The following LMO7 variants were observed in gnomAD, a reference collection of about 807,000 sequenced individuals.
The protein encoded by LMO7 is LIM domain 7, also known as LIM domain only protein 7.
A neutral mutation model predicts 206.5 loss-of-function variants in LMO7; 120 were observed. That is an observed-to-expected ratio of 0.58 (90% CI 0.50 to 0.68). The LOEUF is 0.68. Among genes scored for constraint, LMO7 ranks in the 30% least tolerant of loss-of-function variants. The pLI, the probability that LMO7 is intolerant of heterozygous loss-of-function variation, is 0.00. For missense variants in LMO7, 1,959 were observed against 1,957.9 expected, an observed-to-expected ratio of 1.00 and a Z score of -0.01; for synonymous variants, 706 against 681.5, an observed-to-expected ratio of 1.04 and a Z score of -0.56.
At chr13:75,760,797 A>G (rs1345730744) in intron 3 of LMO7, 135 bp from the exon 4 acceptor site, 2 of 1,544,868 alleles carry the variant, frequency 1.3e-6, no homozygotes, top group African/African-American at 2.7e-5. Flanking sequence ...AAATATACAT[A>G]TGCATGGGTC....
chr13:75,705,667 A>G (rs2042599545), intron 1 of LMO7, among the ~76,000 whole-genome samples: 1 of 152,222 alleles, frequency 6.6e-6, no homozygotes, highest in South Asian at 2.1e-4. Context: ...AAGGTTCAAA[A>G]TTATAGAAAA....
chr13:75,727,603 G>T (rs1954706219), intron 3 of LMO7, among the ~76,000 whole-genome samples: 1 of 151,806 alleles, frequency 6.6e-6, no homozygotes, highest in Admixed American at 6.6e-5. Flanking sequence ...CACATGTATT[G>T]CCTATACTTT....
At chr13:75,751,288 A>G (rs2047257378) in intron 3 of LMO7, among the ~76,000 whole-genome samples, 2 of 149,728 alleles carry the variant, frequency 1.3e-5, no homozygotes, top group South Asian at 4.2e-4. Context: ...AGCCTCCCGA[A>G]TAGCTGGGAC....
At chr13:75,731,060 A>G (rs1347532351) in intron 3 of LMO7, among the ~76,000 whole-genome samples, 35 of 151,736 alleles carry the variant, frequency 2.3e-4, no homozygotes, top group African/African-American at 6.3e-4. Context: ...TATGTGGTCA[A>G]TTTTGGAATA....
intron 14 of LMO7, among the ~76,000 whole-genome samples, chr13:75,822,456 G>A (rs1027160405): frequency 6.6e-6 from 1 of 151,958 alleles, no homozygotes; most frequent in African/African-American, 2.4e-5. Flanking sequence ...TTATCAAAAT[G>A]CATTTTAGGG....
At chr13:75,633,695 G>A (rs1319352105), upstream of LMO7, among the ~76,000 whole-genome samples, 1 of 152,138 alleles carries the variant, frequency 6.6e-6, no homozygotes, top group Non-Finnish European at 1.5e-5. Context: ...GTCATGGATT[G>A]GATCCTGGTC....
intron 4 of LMO7, among the ~76,000 whole-genome samples, chr13:75,791,579 T>C (rs1367545384): frequency 6.6e-6 from 1 of 152,180 alleles, no homozygotes; most frequent in African/African-American, 2.4e-5. Context: ...GTAGACCCTG[T>C]CTTAAGGCAG....
intron 4 of LMO7, among the ~76,000 whole-genome samples, chr13:75,762,456 C>T (rs879522826): frequency 1.4e-4 from 21 of 152,224 alleles, no homozygotes; most frequent in Admixed American, 7.2e-4. Flanking sequence ...TAAGCGTTAA[C>T]GTGCTTCCCC....
intron 27 of LMO7, among the ~76,000 whole-genome samples, chr13:75,850,040 C>A (rs1051017559): frequency 6.6e-6 from 1 of 152,162 alleles, no homozygotes; most frequent in African/African-American, 2.4e-5. Flanking sequence ...ATCACTGGAA[C>A]CCGTGAGGCA....
chr13:75,656,845 T>A (rs2038104574), intron 1 of LMO7, among the ~76,000 whole-genome samples: 1 of 152,224 alleles, frequency 6.6e-6, no homozygotes, highest in East Asian at 1.9e-4. Context: ...CTTCCCTTGT[T>A]GAGTCATCAG....
At chr13:75,830,859 A>G (rs1205006709) in intron 15 of LMO7, among the ~76,000 whole-genome samples, 1 of 152,194 alleles carries the variant, frequency 6.6e-6, no homozygotes, top group Non-Finnish European at 1.5e-5. Context: ...GAGAGTATTT[A>G]TTAAGACTCC....
chr13:75,738,711 T>A (rs965764696), intron 3 of LMO7, among the ~76,000 whole-genome samples: 18 of 152,280 alleles, frequency 1.2e-4, no homozygotes, highest in South Asian at 2.1e-4. Flanking sequence ...GGATTTTTTT[T>A]AAAAAACCCA....
intron 1 of LMO7, chr13:75,621,883 T>C (rs2033339379): frequency 6.4e-7 from 1 of 1,554,920 alleles, no homozygotes; most frequent in Non-Finnish European, 8.7e-7. Flanking sequence ...TAATAGTTCC[T>C]TGAATACTTT....
In LMO7 at chr13:75,804,501, G is replaced by A. The variant is rs759287235; in HGVS notation, c.874G>A (p.Ala292Thr). 1.2e-6 allele frequency: 2 copies of A among 1,614,134 alleles called. No individual in the cohort carries two copies. The highest frequency in any genetic ancestry group is 2.2e-5 in the South Asian group (2 of 91,076). The change falls in exon 8 of 31, where the codon GCA (alanine) becomes ACA (threonine). Residue 292 changes from alanine (A) to threonine (T), a missense_variant. Coordinates refer to ENST00000377534, the MANE Select transcript of LMO7 (RefSeq NM_001306080.2). ...DKHEDNRRSW[A>T]SPVYTEADGT... ...ACATGAGGATAACAGAAGAAGTTGGGCAAGCCCGGTTTATACAGAAGCAGA... is the reference window on the plus strand; with the variant it reads ...ACATGAGGATAACAGAAGAAGTTGGACAAGCCCGGTTTATACAGAAGCAGA...
At chr13:75,656,162 G>T (rs1231151989) in intron 1 of LMO7, among the ~76,000 whole-genome samples, 2 of 152,088 alleles carry the variant, frequency 1.3e-5, no homozygotes, top group Admixed American at 6.5e-5. Context: ...CTTACTGTGG[G>T]GCTCTTCCAC....
At chr13:75,711,055 A>G (rs1254619086) in intron 1 of LMO7, among the ~76,000 whole-genome samples, 6 of 152,188 alleles carry the variant, frequency 3.9e-5, no homozygotes, top group Admixed American at 2.0e-4. Context: ...TATTGAGATA[A>G]TCATATGGTT....
chr13:75,739,396 A>G (rs1326710460), intron 3 of LMO7, among the ~76,000 whole-genome samples: 1 of 152,208 alleles, frequency 6.6e-6, no homozygotes, highest in African/African-American at 2.4e-5. Flanking sequence ...AGGCATGACC[A>G]TAGAGGCTGG....
chr13:75,737,788 A>AAC (rs2046015300), intron 3 of LMO7, among the ~76,000 whole-genome samples: 9 of 133,286 alleles, frequency 6.8e-5, no homozygotes, highest in Admixed American at 1.5e-4. Context: ...AAAATAAAAA[A>AAC]AAAAAAAAAA....
chr13:75,663,177 T>C (rs912005780), intron 1 of LMO7, among the ~76,000 whole-genome samples: 2 of 151,926 alleles, frequency 1.3e-5, no homozygotes, highest in African/African-American at 2.4e-5. Context: ...ATAAAACTTA[T>C]GTATATATTC....
Sources: allele counts gnomAD v4.1 joint callset (sites outside exome capture counted in the v4.1 genomes callset), GRCh38; gene constraint gnomAD v4.1.1; transcripts MANE v1.5; gene names NCBI Gene and HGNC (gene_info 2026-07-23, HGNC 2026-07-21).